Variants in CSMD1 observed in about 807,000 individuals in gnomAD.
CSMD1 encodes CUB and Sushi multiple domains 1.
In CSMD1, 213 loss-of-function variants were observed where a neutral mutation model predicts 417.5. The ratio of observed to expected loss-of-function variants is 0.51; its 90% CI spans 0.46 to 0.57. The LOEUF (loss-of-function observed/expected upper bound fraction) is 0.57, where lower values mean the gene tolerates loss of function less well. Among genes scored for constraint, CSMD1 ranks in the 20% least tolerant of loss-of-function variants. The pLI is 0.00. For synonymous variants in CSMD1, 2,862 were observed against 1,736.8 expected, an observed-to-expected ratio of 1.65 and a Z score of -16.11; for missense variants, 6,923 against 4,529.7, an observed-to-expected ratio of 1.53 and a Z score of -15.17.
At chr8:3,915,364 C>CCA (rs1271603059) in intron 5 of CSMD1, among the ~76,000 whole-genome samples, 1 of 145,338 alleles carries the variant, frequency 6.9e-6, no homozygotes, top group Admixed American at 7.0e-5. Context: ...TTAGATAGTG[C>CCA]CACTGCACTC....
intron 10 of CSMD1, among the ~76,000 whole-genome samples, chr8:3,531,427 T>C (rs932005274): frequency 6.6e-6 from 1 of 152,152 alleles, no homozygotes; most frequent in African/African-American, 2.4e-5. Flanking sequence ...CATTATTCTA[T>C]ATGTGATAAA....
chr8:3,768,893 T>C (rs1457824260), intron 5 of CSMD1, among the ~76,000 whole-genome samples: 2 of 152,206 alleles, frequency 1.3e-5, no homozygotes, highest in African/African-American at 4.8e-5. Context: ...CACCACTTCT[T>C]TGAAGGAGGG....
intron 1 of CSMD1, among the ~76,000 whole-genome samples, chr8:4,854,892 C>T (rs1278132782): frequency 6.6e-6 from 1 of 152,186 alleles, no homozygotes; most frequent in Non-Finnish European, 1.5e-5. Flanking sequence ...CCAGGAAGCT[C>T]GAACTGGGTG....
At chr8:4,136,245 C>G (rs1275771636) in intron 3 of CSMD1, among the ~76,000 whole-genome samples, 1 of 152,302 alleles carries the variant, frequency 6.6e-6, no homozygotes, top group African/African-American at 2.4e-5. Context: ...TTGAACCAGA[C>G]TTGACAGATT....
At chr8:3,354,924 T>A (rs1808672436) in intron 21 of CSMD1, among the ~76,000 whole-genome samples, 1 of 151,142 alleles carries the variant, frequency 6.6e-6, no homozygotes, top group Non-Finnish European at 1.5e-5. Context: ...TATGTCTATC[T>A]ATAGATATAG....
intron 36 of CSMD1, among the ~76,000 whole-genome samples, chr8:3,184,904 G>C (rs539130455): frequency 5.3e-5 from 8 of 152,290 alleles, no homozygotes; most frequent in African/African-American, 1.9e-4. Context: ...TCTTTGACAA[G>C]TCCCTGCTCC....
At position 4,331,649 on chromosome 8, in the gene CSMD1, A is replaced by G. The variant is rs933882588; in HGVS notation, c.415+88304T>C. ...CATGAAAGCCTCAGTCATAATCAAT[A>G]AAGCTAAAAGGTAGCCATCCCAGAG... On this transcript the variant is annotated intron_variant, in intron 3 of 69. Transcript: ENST00000635120. 2.0e-5 allele frequency among the ~76,000 whole-genome samples: 3 copies of G among 152,132 alleles called. No individual in the cohort carries two copies. In the East Asian group the frequency reaches 5.8e-4, roughly 29 times the overall value.
intron 31 of CSMD1, among the ~76,000 whole-genome samples, chr8:3,202,112 G>C (rs1157965937): frequency 6.6e-6 from 1 of 152,148 alleles, no homozygotes; most frequent in African/African-American, 2.4e-5. Context: ...AGGTTGCAAT[G>C]AGCTGAGATT....
chr8:4,114,565 G>GCATGT (rs112410205), intron 3 of CSMD1, among the ~76,000 whole-genome samples: 150,542 of 152,198 alleles, frequency 0.99, 74,478 homozygotes, highest in East Asian at 1. Context: ...CTTAATAAAT[G>GCATGT]CATAAGTCTA....
intron 3 of CSMD1, among the ~76,000 whole-genome samples, chr8:4,079,323 C>T (rs1361356889): frequency 2.6e-5 from 4 of 152,158 alleles, no homozygotes; most frequent in African/African-American, 9.7e-5. Context: ...TAGGCAATGT[C>T]TGCATCCCTT....
intron 50 of CSMD1, among the ~76,000 whole-genome samples, chr8:3,051,562 TA>T (rs1358484593): frequency 6.6e-6 from 1 of 152,194 alleles, no homozygotes; most frequent in African/African-American, 2.4e-5. Context: ...TTCACCTATA[TA>T]ACAAACTTGC....
chr8:3,908,869 A>C (rs1173004084), intron 5 of CSMD1, among the ~76,000 whole-genome samples: 1 of 152,226 alleles, frequency 6.6e-6, no homozygotes, highest in Non-Finnish European at 1.5e-5. Context: ...ACTGTGAGGT[A>C]ATATAATAAC....
chr8:3,200,781 T>A (rs990558897), intron 32 of CSMD1, among the ~76,000 whole-genome samples: 1 of 151,884 alleles, frequency 6.6e-6, no homozygotes, highest in African/African-American at 2.4e-5. Flanking sequence ...AAAACATAGG[T>A]CTTAAGACTT....
At chr8:3,542,783 C>T (rs1389999380) in intron 10 of CSMD1, among the ~76,000 whole-genome samples, 4 of 152,158 alleles carry the variant, frequency 2.6e-5, no homozygotes, top group Non-Finnish European at 5.9e-5. Flanking sequence ...AGTCTTTCCC[C>T]AGGACAGGAT....
At chr8:4,864,438 C>T (rs1224471538) in intron 1 of CSMD1, among the ~76,000 whole-genome samples, 4 of 151,770 alleles carry the variant, frequency 2.6e-5, no homozygotes, top group Non-Finnish European at 5.9e-5. Context: ...CACAAATTTG[C>T]CTTTAATTAT....
intron 26 of CSMD1, among the ~76,000 whole-genome samples, chr8:3,236,984 C>T (rs1799190757): frequency 6.6e-6 from 1 of 152,000 alleles, no homozygotes; most frequent in Admixed American, 6.6e-5. Context: ...TGCCACCTGT[C>T]AGGCTGCATC....
chr8:4,735,483 T>A (rs571652376), intron 1 of CSMD1, among the ~76,000 whole-genome samples: 1 of 152,306 alleles, frequency 6.6e-6, no homozygotes, highest in South Asian at 2.1e-4. Flanking sequence ...TTTCAAACAT[T>A]GAACTTTATG....
intron 10 of CSMD1, among the ~76,000 whole-genome samples, chr8:3,504,507 C>A (rs1041634946): frequency 4.6e-5 from 7 of 152,164 alleles, no homozygotes; most frequent in East Asian, 1.9e-4. Flanking sequence ...ATCCTCATGG[C>A]AACCCTTCAT....
chr8:4,002,027 T>C lies in CSMD1; in HGVS notation c.611-3917A>G, dbSNP rs375877642. ...ATATATGCAAGATATATTAGAATTG[T>C]TTGTATAGCACTCCACATAAAATAT... is the stretch of plus-strand genomic sequence containing the variant. On this transcript the variant is annotated intron_variant, in intron 4 of 69. Coordinates refer to ENST00000635120, the MANE Select transcript of CSMD1 (RefSeq NM_033225.6). 9.2e-5 allele frequency among the ~76,000 whole-genome samples: 14 copies of C among 152,272 alleles called. No individual in the cohort carries two copies. In the East Asian group the frequency reaches 1.9e-3, roughly 21 times the overall value.
Sources: gnomAD v4.1 joint callset for allele counts (sites outside exome capture counted in the v4.1 genomes callset) on GRCh38, gnomAD v4.1.1 for gene constraint, MANE v1.5 for transcripts, NCBI Gene and HGNC (gene_info 2026-07-23, HGNC 2026-07-21) for gene names.